MROH9: variants seen among roughly 807,000 people sequenced by gnomAD.
MROH9 encodes maestro heat like repeat family member 9.
A neutral mutation model predicts 98.2 loss-of-function variants in MROH9; 92 were observed. The observed-to-expected ratio is 0.94, with a 90% CI of 0.79 to 1.11. MROH9 has a LOEUF of 1.11. Ranked by LOEUF, MROH9 falls within the 50% of genes most tolerant of loss-of-function variation. The probability of loss-of-function intolerance (pLI) is 0.00; values close to 1 mark genes in which losing one functional copy is unlikely to be tolerated. For synonymous variants in MROH9, 397 were observed against 368.9 expected (o/e 1.08, Z -0.87); for missense variants, 1,057 against 1,014.8 (o/e 1.04, Z -0.57).
intron 8 of MROH9, among the ~76,000 whole-genome samples, chr1:170,979,398 A>G: frequency 6.6e-6 from 1 of 152,200 alleles, no homozygotes; most frequent in East Asian, 1.9e-4. Context: ...TTGATTTTTT[A>G]TGAAGTTTCA....
intron 20 of MROH9, among the ~76,000 whole-genome samples, chr1:171,032,619 G>A (rs936495892): frequency 6.6e-6 from 1 of 152,162 alleles, no homozygotes; most frequent in Non-Finnish European, 1.5e-5. Context: ...ACTCAAGGAG[G>A]CTGGAGAACA....
At chr1:171,062,849 A>AG (rs377127633) in intron 21 of MROH9, among the ~76,000 whole-genome samples, 123 of 152,322 alleles carry the variant, frequency 8.1e-4, no homozygotes, top group African/African-American at 2.8e-3. Context: ...ATTGAGCTGC[A>AG]GGTACAGGGA....
chr1:171,060,697 A>T (rs938115836), intron 20 of MROH9, among the ~76,000 whole-genome samples: 2 of 152,180 alleles, frequency 1.3e-5, no homozygotes, highest in Non-Finnish European at 2.9e-5. Context: ...GGTATATAAA[A>T]ATATCTTGAC....
At chr1:171,006,573 C>T (rs533675750) in intron 15 of MROH9, among the ~76,000 whole-genome samples, 1 of 152,124 alleles carries the variant, frequency 6.6e-6, no homozygotes, top group African/African-American at 2.4e-5. Context: ...TGGCTCAAAA[C>T]TGTCTGAATC....
intron 7 of MROH9, 143 bp from the exon 8 acceptor site, chr1:170,971,605 G>A: frequency 2.2e-6 from 2 of 925,898 alleles, no homozygotes; most frequent in African/African-American, 1.7e-5. Context: ...TCAGTAACGG[G>A]GCCAGGATTT....
At chr1:170,946,284 GA>G (rs1005306735) in intron 2 of MROH9, among the ~76,000 whole-genome samples, 2 of 151,332 alleles carry the variant, frequency 1.3e-5, no homozygotes, top group East Asian at 1.9e-4. Flanking sequence ...CTAATTATAT[GA>G]AAAAAAATCA....
chr1:170,967,583 A>T (rs1396195985), intron 7 of MROH9, among the ~76,000 whole-genome samples: 1 of 152,114 alleles, frequency 6.6e-6, no homozygotes, highest in Non-Finnish European at 1.5e-5. Context: ...CCTACACTGG[A>T]TAGACTTTTT....
chr1:170,940,446 C>T lies in MROH9; in HGVS notation c.-38+4859C>T, dbSNP rs541740914. The stretch of plus-strand genomic sequence containing the variant: ...CTCCTGAAAACTAAATTATGACATA[C>T]AGCTGGAGAGTTGACATGCCCCTGT... On this transcript the variant is annotated intron_variant, in intron 1 of 21. Transcript: ENST00000367759. 2.0e-5 allele frequency among the ~76,000 whole-genome samples: 3 copies of T among 152,304 alleles called. No individual in the cohort carries two copies. In the South Asian group the frequency reaches 6.2e-4, roughly 32 times the overall value.
Position 170,971,863 on chromosome 1 carries a change from A to T in MROH9, c.596A>T (p.Tyr199Phe). ...TCATTGGGAATGTGTCACCTCCTCT[A>T]CATTGCACGGTGTCAGAACGGTAAG... ...QASLGMCHLL[Y>F]IARCQNDIGT... The change falls in exon 8 of 22, where the codon TAC becomes TTC. Residue 199 changes from tyrosine to phenylalanine, a missense_variant. By Grantham distance (22) the Tyr-to-Phe change is conservative. Transcript: ENST00000367759. The T allele has an allele frequency of 6.2e-7, 1 of 1,613,990 alleles. No homozygotes were observed. The highest frequency in any genetic ancestry group is 8.5e-7 in the Non-Finnish European group (1 of 1,179,916).
chr1:170,984,053 G>A (rs1425212938), intron 9 of MROH9, among the ~76,000 whole-genome samples: 1 of 152,224 alleles, frequency 6.6e-6, no homozygotes, highest in East Asian at 1.9e-4. Flanking sequence ...TGGGAGAACT[G>A]TGAGGCTCTA....
At chr1:170,953,211 T>C (rs898768833) in intron 3 of MROH9, among the ~76,000 whole-genome samples, 1 of 152,122 alleles carries the variant, frequency 6.6e-6, no homozygotes, top group Non-Finnish European at 1.5e-5. Context: ...CTTCATACAG[T>C]ATCTTTAGAA....
rs541742485 is a variant in MROH9, at chr1:170,947,563, G to A, written c.62G>A (p.Trp21Ter). ...SLQILQDSVK[W>*]HHMAHKVNSL... is the part of the protein sequence containing the mutation. The stretch of plus-strand genomic sequence containing the variant: ...CAGATTCTGCAAGACAGTGTGAAAT[G>A]GCACCACATGGTAAGTGATATTCTA... The change falls in exon 3 of 22, where the codon TGG (tryptophan) becomes TAG (stop). Residue 21 changes from tryptophan (W) to a stop codon, truncating the protein, a stop_gained. Transcript: ENST00000367759. LOFTEE classifies it high-confidence loss of function. 1.2e-6 allele frequency: 2 copies of A among 1,610,244 alleles called. No homozygotes were observed. The highest frequency in any genetic ancestry group is 2.2e-5 in the South Asian group (2 of 90,832).
chr1:171,018,905 T>G (rs1157945134), intron 17 of MROH9, among the ~76,000 whole-genome samples: 1 of 151,476 alleles, frequency 6.6e-6, no homozygotes, highest in Non-Finnish European at 1.5e-5. Context: ...AGGGGACAGA[T>G]CAACAAGACA....
At position 170,958,514 on chromosome 1, in the gene MROH9, A is replaced by C. The variant is rs748309842; in HGVS notation, c.126A>C (p.Glu42Asp). The change falls in exon 4 of 22, where the codon GAA becomes GAC. Residue 42 changes from glutamate (E) to aspartate (D), a missense_variant. Coordinates refer to ENST00000367759, the MANE Select transcript of MROH9 (RefSeq NM_001163629.2). ...CATACTCAGGCCTGTTAAGTAATGA[A>C]TCCATGATCCTGGCTGTGAACTCCA... ...LDAYSGLLSN[E>D]SMILAVNSSF... The C allele has an allele frequency of 6.3e-7, 1 of 1,594,602 alleles. No individual in the cohort carries two copies. Among genetic ancestry groups the C allele is most frequent in the South Asian group, 1.1e-5 (1 of 88,884 alleles).
At chr1:170,955,828 C>T (rs1398181783) in intron 3 of MROH9, among the ~76,000 whole-genome samples, 1 of 152,144 alleles carries the variant, frequency 6.6e-6, no homozygotes, top group East Asian at 1.9e-4. Flanking sequence ...AATTAAGTCC[C>T]AGCTATTTAT....
chr1:170,961,676 T>C (rs1287648552), intron 5 of MROH9, among the ~76,000 whole-genome samples: 3 of 152,196 alleles, frequency 2.0e-5, no homozygotes, highest in Non-Finnish European at 4.4e-5. Flanking sequence ...TTTGTCTTTT[T>C]CTTTGTATAT....
Position 170,985,847 on chromosome 1 carries a change from C to A in MROH9, c.730-714C>A, listed in dbSNP as rs575734843. 2.6e-5 allele frequency among the ~76,000 whole-genome samples: 4 copies of A among 152,040 alleles called. No homozygotes were observed. The East Asian group carries it at 5.8e-4, about 22-fold the overall frequency. ...AGTGATCATCAATTCTCACTCAGAC[C>A]TTAGTTCTGCCTTATGACCAAAAAG... On this transcript the variant is annotated intron_variant, in intron 9 of 21. Coordinates refer to ENST00000367759, the MANE Select transcript of MROH9 (RefSeq NM_001163629.2).
intron 1 of MROH9, among the ~76,000 whole-genome samples, chr1:170,938,428 T>C (rs185571955): frequency 8.8e-4 from 134 of 152,328 alleles, no homozygotes; most frequent in African/African-American, 3.2e-3. Flanking sequence ...CATATTCAGT[T>C]TTCCGGAGAA....
At chr1:171,000,181 A>C (rs1299579955) in intron 15 of MROH9, among the ~76,000 whole-genome samples, 1 of 152,056 alleles carries the variant, frequency 6.6e-6, no homozygotes, top group East Asian at 1.9e-4. Flanking sequence ...AAAGATCTTT[A>C]GTTTAATTAG....
Sources: gnomAD v4.1 joint callset for allele counts (sites outside exome capture counted in the v4.1 genomes callset) on GRCh38, gnomAD v4.1.1 for gene constraint, MANE v1.5 for transcripts, NCBI Gene and HGNC (gene_info 2026-07-23, HGNC 2026-07-21) for gene names.